The following KCNQ1OT1 variants were observed in gnomAD, a reference collection of about 807,000 sequenced individuals.
KCNQ1OT1 encodes the protein KCNQ1 antisense RNA 2 (non-protein coding).
exon 1 of KCNQ1OT1, chr11:2,692,709 G>A (rs1850608417): frequency 5.0e-6 from 2 of 398,536 alleles, no homozygotes; most frequent in South Asian, 2.5e-4. Flanking sequence ...ACTAACCCTG[G>A]GAGGGTAGGC....
chr11:2,658,777 G>T lies in KCNQ1OT1; in HGVS notation n.41218C>A. 2.5e-6 allele frequency: 1 copy of T among 398,324 alleles called. No individual in the cohort carries two copies. Among genetic ancestry groups the T allele is most frequent in the South Asian group, 1.3e-4 (1 of 7,822 alleles). 24.7% of individuals were successfully genotyped at this position (398,324 alleles called of 1,614,324 possible). On this transcript the variant is annotated non_coding_transcript_exon_variant, in exon 1 of 1. Coordinates refer to ENST00000597346, the Ensembl canonical transcript of KCNQ1OT1. This position sits in a 1 kb window ranked among gnomAD's most constrained non-coding sequence, Gnocchi z 4.9. Reference sequence around the variant, plus strand: ...ACCATGAGTTCATACTGACATTTCTGACCAGAGTTCATCCTTGCCCCCTCC... The same window carrying T: ...ACCATGAGTTCATACTGACATTTCTTACCAGAGTTCATCCTTGCCCCCTCC...
In KCNQ1OT1 at chr11:2,658,699, T is replaced by C. The variant is rs910796008; in HGVS notation, n.41296A>G. 11 of 398,462 alleles carry C rather than the reference T, an allele frequency of 2.8e-5. No individual in the cohort carries two copies. Among genetic ancestry groups the C allele is most frequent in the African/African-American group, 1.9e-4 (9 of 48,626 alleles). The allele number at this position is 398,462 out of a possible 1,614,324, so 24.7% of individuals were successfully genotyped here. ...GACAGAGCTAGGAAATATATGTATG[T>C]ATGTAACCTGAGTACACATACATCT... On this transcript the variant is annotated non_coding_transcript_exon_variant, in exon 1 of 1. Transcript: ENST00000597346. The surrounding 1 kb of genome is among the most constrained non-coding windows in gnomAD (Gnocchi z 4.9).
chr11:2,684,101 C>T (rs902476099), exon 1 of KCNQ1OT1: 4 of 398,442 alleles, frequency 1.0e-5, no homozygotes, highest in African/African-American at 2.1e-5. Flanking sequence ...ATTTCAGAAC[C>T]CTTTCACATA....
chr11:2,610,443 T>C (rs1043737999), exon 1 of KCNQ1OT1: 1 of 398,444 alleles, frequency 2.5e-6, no homozygotes, highest in East Asian at 3.6e-5. Context: ...ATCATATATT[T>C]GATCCACTTT....
At chr11:2,686,585 G>A in exon 1 of KCNQ1OT1, 1 of 398,684 alleles carries the variant, frequency 2.5e-6, no homozygotes, top group Non-Finnish European at 4.4e-6. Context: ...GACTAGAATG[G>A]CAGCTTGGCT....
At position 2,611,353 on chromosome 11, in the gene KCNQ1OT1, G is replaced by A. The variant is rs1345601345; in HGVS notation, n.88642C>T. The A allele has an allele frequency of 1.3e-5, 5 of 397,320 alleles. No individual in the cohort carries two copies. In the Admixed American group the frequency reaches 1.8e-4, roughly 14 times the overall value. The allele number at this position is 397,320 out of a possible 1,614,324, so 24.6% of individuals were successfully genotyped here. A position where few individuals can be genotyped will look rare whatever the true frequency, so the allele number is the denominator to read the frequency against. ...TCTTGCCTCAGCATCCCAAGTAGCT[G>A]GGACTACAGGCATTTGCCACCATAC... On this transcript the variant is annotated non_coding_transcript_exon_variant, in exon 1 of 1. Transcript: ENST00000597346. This position sits in a 1 kb window ranked among gnomAD's most constrained non-coding sequence, Gnocchi z 5.3.
Position 2,651,015 on chromosome 11 carries a change from A to G in KCNQ1OT1, n.48980T>C, listed in dbSNP as rs1012313979. The stretch of plus-strand genomic sequence containing the variant: ...GGATTTGCCCACACCTAGTCTCTCC[A>G]GCTATCTCCCTGGTTAAAACCACCA... On this transcript the variant is annotated non_coding_transcript_exon_variant, in exon 1 of 1. Coordinates refer to ENST00000597346, the Ensembl canonical transcript of KCNQ1OT1. This position sits in a 1 kb window ranked among gnomAD's most constrained non-coding sequence, Gnocchi z 6.1. 3 of 398,560 alleles carry G rather than the reference A, an allele frequency of 7.5e-6. No homozygotes were observed. The highest frequency in any genetic ancestry group is 4.1e-5 in the African/African-American group (2 of 48,626). The allele number at this position is 398,560 out of a possible 1,614,324, so 24.7% of individuals were successfully genotyped here. A position where few individuals can be genotyped will look rare whatever the true frequency, so the allele number is the denominator to read the frequency against.
exon 1 of KCNQ1OT1, chr11:2,609,677 T>G: frequency 2.5e-6 from 1 of 398,386 alleles, no homozygotes; most frequent in Non-Finnish European, 4.4e-6. Context: ...TTCTGTCAGT[T>G]TTTGCTTCTT....
chr11:2,612,449 A>T lies in KCNQ1OT1; in HGVS notation n.87546T>A, dbSNP rs185759948. The T allele has an allele frequency of 2.5e-6, 1 of 398,526 alleles. No homozygotes were observed. Among genetic ancestry groups the T allele is most frequent in the Admixed American group, 4.4e-5 (1 of 22,724 alleles). 24.7% of individuals were successfully genotyped at this position (398,526 alleles called of 1,614,324 possible). A position where few individuals can be genotyped will look rare whatever the true frequency, so the allele number is the denominator to read the frequency against. On this transcript the variant is annotated non_coding_transcript_exon_variant, in exon 1 of 1. Coordinates refer to ENST00000597346, the Ensembl canonical transcript of KCNQ1OT1. The surrounding 1 kb of genome is among the most constrained non-coding windows in gnomAD (Gnocchi z 5.5). ...ATTTTTCTTCATTATTTTTCTTTCT[A>T]TTCTTCAGTCTGAATCATCTTTATG...
exon 1 of KCNQ1OT1, chr11:2,699,712 C>T (rs1850755676): frequency 8.6e-6 from 3 of 347,240 alleles, no homozygotes; most frequent in Non-Finnish European, 1.5e-5. Context: ...AGAACGGCGC[C>T]GAGGAGTCCC....
exon 1 of KCNQ1OT1, chr11:2,610,484 G>A (rs1848962307): frequency 5.0e-6 from 2 of 398,122 alleles, no homozygotes; most frequent in Admixed American, 8.8e-5. Context: ...GTTACCAACT[G>A]GTGGTATTTC....
Position 2,619,157 on chromosome 11 carries a change from T to A in KCNQ1OT1, n.80838A>T, listed in dbSNP as rs375145914. The A allele has an allele frequency of 6.5e-5, 26 of 398,562 alleles. No homozygotes were observed. Among genetic ancestry groups the A allele is most frequent in the East Asian group, 6.4e-4 (18 of 28,060 alleles). 24.7% of individuals were successfully genotyped at this position (398,562 alleles called of 1,614,324 possible). ...ATTACTTCTTACTTCCTGATTTGAA[T>A]GTCTTTCATTTCTTTTTCTTGTCTG... On this transcript the variant is annotated non_coding_transcript_exon_variant, in exon 1 of 1. Coordinates refer to ENST00000597346, the Ensembl canonical transcript of KCNQ1OT1.
At chr11:2,675,335 T>C (rs1361133818) in exon 1 of KCNQ1OT1, 1 of 398,494 alleles carries the variant, frequency 2.5e-6, no homozygotes, top group African/African-American at 2.1e-5. Context: ...ATCTAAGTCA[T>C]ATTTTTTTAA....
Position 2,663,095 on chromosome 11 carries a change from G to C in KCNQ1OT1, n.36900C>G, listed in dbSNP as rs1849998632. 2.5e-6 allele frequency: 1 copy of C among 398,552 alleles called. No individual in the cohort carries two copies. Among genetic ancestry groups the C allele is most frequent in the African/African-American group, 2.1e-5 (1 of 48,628 alleles). 24.7% of individuals were successfully genotyped at this position (398,552 alleles called of 1,614,324 possible). A position where few individuals can be genotyped will look rare whatever the true frequency, so the allele number is the denominator to read the frequency against. On this transcript the variant is annotated non_coding_transcript_exon_variant, in exon 1 of 1. Transcript: ENST00000597346. This position sits in a 1 kb window ranked among gnomAD's most constrained non-coding sequence, Gnocchi z 5.2. ...GTAGCCAGAATGAGGCCACCTCCAG[G>C]GAAGGAGTGGCTATCTTAAGGGGTA...
exon 1 of KCNQ1OT1, chr11:2,675,778 G>T (rs1850282697): frequency 5.0e-6 from 2 of 398,708 alleles, no homozygotes; most frequent in East Asian, 7.1e-5. Flanking sequence ...TGTGCGGGGA[G>T]CTGCTGCCCG....
rs982795734 is a variant in KCNQ1OT1 at position 2,691,205 on chromosome 11, T to C, written n.8790A>G. ...TCAGAGCTCAGCTGTGTTTAAAAAT[T>C]AGCAAGTGGAGGAGTTAGAGGATCT... On this transcript the variant is annotated non_coding_transcript_exon_variant, in exon 1 of 1. Transcript: ENST00000597346. The surrounding 1 kb of genome is among the most constrained non-coding windows in gnomAD (Gnocchi z 6.4). 2.5e-6 allele frequency: 1 copy of C among 398,462 alleles called. No individual in the cohort carries two copies. The highest frequency in any genetic ancestry group is 4.4e-6 in the Non-Finnish European group (1 of 226,086). The allele number at this position is 398,462 out of a possible 1,614,324, so 24.7% of individuals were successfully genotyped here. A position where few individuals can be genotyped will look rare whatever the true frequency, so the allele number is the denominator to read the frequency against.
Position 2,654,544 on chromosome 11 carries a change from C to G in KCNQ1OT1, n.45451G>C. 1 of 398,664 alleles carries G rather than the reference C, an allele frequency of 2.5e-6. No homozygotes were observed. Among genetic ancestry groups the G allele is most frequent in the Non-Finnish European group, 4.4e-6 (1 of 226,186 alleles). 24.7% of individuals were successfully genotyped at this position (398,664 alleles called of 1,614,324 possible). A position where few individuals can be genotyped will look rare whatever the true frequency, so the allele number is the denominator to read the frequency against. Reference sequence around the variant, plus strand: ...TTGTGGAAGAGGGCTTGGGTTACACCTGGGAGATTAGGCCGGATTTTAATC... The same window carrying G: ...TTGTGGAAGAGGGCTTGGGTTACACGTGGGAGATTAGGCCGGATTTTAATC... On this transcript the variant is annotated non_coding_transcript_exon_variant, in exon 1 of 1. Transcript: ENST00000597346. This position sits in a 1 kb window ranked among gnomAD's most constrained non-coding sequence, Gnocchi z 6.4.
Position 2,678,668 on chromosome 11 carries a change from G to A in KCNQ1OT1, n.21327C>T. On this transcript the variant is annotated non_coding_transcript_exon_variant, in exon 1 of 1. Coordinates refer to ENST00000597346, the Ensembl canonical transcript of KCNQ1OT1. The surrounding 1 kb of genome is among the most constrained non-coding windows in gnomAD (Gnocchi z 4.9). ...CATTTTCACAAATGCAGTCAACCAGGGGAATTCATGGCATGGCCTAAGATC... is the reference window on the plus strand; with the variant it reads ...CATTTTCACAAATGCAGTCAACCAGAGGAATTCATGGCATGGCCTAAGATC... The A allele has an allele frequency of 2.5e-6, 1 of 398,584 alleles. No individual in the cohort carries two copies. The allele number at this position is 398,584 out of a possible 1,614,324, so 24.7% of individuals were successfully genotyped here.
exon 1 of KCNQ1OT1, chr11:2,685,264 G>C: frequency 2.5e-6 from 1 of 398,662 alleles, no homozygotes; most frequent in Non-Finnish European, 4.4e-6. Context: ...CAGGGCACAC[G>C]TGCCACTGTG....
Sources: allele counts gnomAD v4.1 joint callset, GRCh38; gene constraint gnomAD v4.1.1; non-coding constraint Gnocchi (gnomAD v3.1); transcripts MANE v1.5; gene names NCBI Gene and HGNC (gene_info 2026-07-23, HGNC 2026-07-21).